Variants in RAPSN observed in about 807,000 individuals in gnomAD.
RAPSN encodes the protein 43 kDa receptor-associated protein of the synapse.
RAPSN carries 33 observed loss-of-function variants against 45.7 expected under a neutral mutation model. The ratio of observed to expected loss-of-function variants is 0.72; its 90% CI spans 0.55 to 0.97. The LOEUF is 0.97. Among genes scored for constraint, RAPSN ranks in the 50% least tolerant of loss-of-function variants. The pLI, the probability that RAPSN is intolerant of heterozygous loss-of-function variation, is 0.00. For synonymous variants in RAPSN, 244 were observed against 233.6 expected, an observed-to-expected ratio of 1.04 and a Z score of -0.40; for missense variants, 519 against 559.4, an observed-to-expected ratio of 0.93 and a Z score of 0.73.
In RAPSN at chr11:47,441,707, G is replaced by A. The variant is rs779303374; in HGVS notation, c.816C>T (p.Ala272=). Residue 272 remains alanine, a synonymous_variant, in exon 5 of 8, where the codon GCC becomes GCT. Coordinates refer to ENST00000298854, the MANE Select transcript of RAPSN (RefSeq NM_005055.5). ...TTCCGATCTCGGTCATGATGCTCATGGCGGAGTCGTACCTGGGGAAGGCTG... is the reference window on the plus strand; with the variant it reads ...TTCCGATCTCGGTCATGATGCTCATAGCGGAGTCGTACCTGGGGAAGGCTG... ...LETAFPRYDS[A]MSIMTEIGNR... The A allele has an allele frequency of 4.9e-5, 79 of 1,608,656 alleles. No homozygotes were observed. The Admixed American group carries it at 7.0e-4, about 14-fold the overall frequency.
chr11:47,439,405 C>T (rs1369917884), intron 6 of RAPSN, among the ~76,000 whole-genome samples: 4 of 152,108 alleles, frequency 2.6e-5, no homozygotes, highest in African/African-American at 9.7e-5. Flanking sequence ...ACCCAGGAGG[C>T]GGAGGTTGCA....
intron 3 of RAPSN, 57 bp downstream of exon 3, chr11:47,442,599 C>T (rs1261430882): frequency 5.7e-6 from 9 of 1,586,136 alleles, no homozygotes; most frequent in African/African-American, 4.0e-5. Flanking sequence ...GTCCCAGGCC[C>T]CAGCCCCTGG....
At chr11:47,444,857 C>CAA (rs10611957) in intron 2 of RAPSN, among the ~76,000 whole-genome samples, 78 of 80,610 alleles carry the variant, frequency 9.7e-4, no homozygotes, top group African/African-American at 3.5e-3. Context: ...GACACTGTCT[C>CAA]AAAAAAAAAA....
rs556595562 is a variant in RAPSN at position 47,438,717 on chromosome 11, C to G, written c.1166+15G>C. On this transcript the variant is annotated intron_variant, in intron 7 of 7. Transcript: ENST00000298854. ...GATCCTGCCCACCCCTGTCCACCCCCCCAGGAGCCCCCACCTGAGGTGGAA... is the reference window on the plus strand; with the variant it reads ...GATCCTGCCCACCCCTGTCCACCCCGCCAGGAGCCCCCACCTGAGGTGGAA... 4.1e-5 allele frequency: 63 copies of G among 1,554,932 alleles called. No individual in the cohort carries two copies. The highest frequency in any genetic ancestry group is 1.3e-4 in the South Asian group (11 of 84,082).
At position 47,448,133 on chromosome 11, in the gene RAPSN, G is replaced by C. The variant is rs773975835; in HGVS notation, c.210C>G (p.Ile70Met). Residue 70 changes from isoleucine to methionine, a missense_variant, in exon 2 of 8, where the codon ATC becomes ATG. Ile to Met is a conservative substitution (Grantham distance 10, BLOSUM62 1). Transcript: ENST00000298854. ...KEMLKFAVVQ[I>M]DTARELEDAD... The stretch of plus-strand genomic sequence containing the variant: ...CATCCTCCAGCTCCCGGGCCGTGTC[G>C]ATCTGGACCACAGCGAACTGCACAC... 2 of 1,612,248 alleles carry C rather than the reference G, an allele frequency of 1.2e-6. No homozygotes were observed. Among genetic ancestry groups the C allele is most frequent in the Admixed American group, 3.3e-5 (2 of 60,004 alleles).
intron 6 of RAPSN, among the ~76,000 whole-genome samples, chr11:47,440,604 C>A (rs2076354439): frequency 6.6e-6 from 1 of 152,038 alleles, no homozygotes; most frequent in African/African-American, 2.4e-5. Flanking sequence ...AAAAATTAGC[C>A]CAGTGTGGTG....
chr11:47,446,398 T>G (rs2076407203), intron 2 of RAPSN, among the ~76,000 whole-genome samples: 1 of 152,024 alleles, frequency 6.6e-6, no homozygotes, highest in Admixed American at 6.6e-5. Context: ...CAGTCCTATC[T>G]CATCTCACTG....
intron 5 of RAPSN, 61 bp from the exon 6 acceptor site, chr11:47,441,273 G>A (rs893953841): frequency 1.9e-6 from 3 of 1,598,644 alleles, no homozygotes; most frequent in Admixed American, 3.3e-5. Flanking sequence ...TTGCTCACAG[G>A]GAAGCACAGG....
Position 47,448,869 on chromosome 11 carries a change from C to T in RAPSN, c.96G>A (p.Val32=). 1 of 1,614,232 alleles carries T rather than the reference C, an allele frequency of 6.2e-7. No individual in the cohort carries two copies. The highest frequency in any genetic ancestry group is 8.5e-7 in the Non-Finnish European group (1 of 1,180,052). ...TEKALQVWTK[V]LEKSSDLMGR... ...CCATGAGGTCCGAGCTCTTCTCCAG[C>T]ACCTTTGTCCACACCTGCAATGCCT... The change falls in exon 1 of 8, where the codon GTG becomes GTA. Residue 32 remains valine (V), a synonymous_variant. Transcript: ENST00000298854.
chr11:47,439,986 G>C (rs569603998), intron 6 of RAPSN, among the ~76,000 whole-genome samples: 1 of 151,982 alleles, frequency 6.6e-6, no homozygotes, highest in African/African-American at 2.4e-5. Context: ...CACCGCACCC[G>C]GCCTTGGTTT....
chr11:47,446,676 C>T (rs779607107), intron 2 of RAPSN, among the ~76,000 whole-genome samples: 81 of 152,236 alleles, frequency 5.3e-4, no homozygotes, highest in Non-Finnish European at 9.7e-4. Context: ...GAGGCCAAGA[C>T]GGGCGGATCC....
rs752816353 is a variant in RAPSN, at chr11:47,441,748, G to C, written c.790-15C>G. The C allele has an allele frequency of 8.1e-6, 13 of 1,605,764 alleles. No homozygotes were observed. The highest frequency in any genetic ancestry group is 5.0e-5 in the Admixed American group (3 of 59,980). ...GGGAAGGCTGTCTGCAGAGCCAGGT[G>C]GGGGATGGAATCAGGCTGTATCAGG... is the stretch of plus-strand genomic sequence containing the variant. On this transcript the variant is annotated splice_polypyrimidine_tract_variant and intron_variant, in intron 4 of 7. Transcript: ENST00000298854.
At chr11:47,441,070 G>A (rs554123190) in intron 6 of RAPSN, 89 bp downstream of exon 6, 44 of 1,527,310 alleles carry the variant, frequency 2.9e-5, no homozygotes, top group East Asian at 6.8e-5. Flanking sequence ...GGCTCATGAC[G>A]TGAGTAGGCT....
intron 6 of RAPSN, among the ~76,000 whole-genome samples, chr11:47,440,709 T>C (rs1204507496): frequency 2.0e-5 from 3 of 152,188 alleles, no homozygotes; most frequent in Non-Finnish European, 4.4e-5. Flanking sequence ...GATCGCGCTA[T>C]TGCACTCCAG....
rs201947904 is a variant in RAPSN, at chr11:47,438,901, C to G, written c.997G>C (p.Glu333Gln). The change falls in exon 7 of 8, where the codon GAG becomes CAG. Residue 333 changes from glutamate to glutamine, a missense_variant. Glu to Gln is a conservative substitution (Grantham distance 29, BLOSUM62 2). Transcript: ENST00000298854. Reference sequence around the variant, plus strand: ...AGCCCTTTGCTGCGGTAAATGCTCTCGCTCAGACAGTGCAGCTTGAGCTGG... The same window carrying G: ...AGCCCTTTGCTGCGGTAAATGCTCTGGCTCAGACAGTGCAGCTTGAGCTGG... ...LSQLKLHCLS[E>Q]SIYRSKGLQR... 3.0e-5 allele frequency: 47 copies of G among 1,562,648 alleles called. No homozygotes were observed. In the Admixed American group the frequency reaches 5.4e-4, roughly 18 times the overall value.
chr11:47,446,616 C>G (rs2076408465), intron 2 of RAPSN, among the ~76,000 whole-genome samples: 1 of 152,094 alleles, frequency 6.6e-6, no homozygotes, highest in Non-Finnish European at 1.5e-5. Flanking sequence ...ACAAAAATAC[C>G]CAGGGTTGGC....
chr11:47,439,345 G>A (rs1200623727), intron 6 of RAPSN, among the ~76,000 whole-genome samples: 2 of 152,086 alleles, frequency 1.3e-5, no homozygotes, highest in Non-Finnish European at 2.9e-5. Flanking sequence ...GTGGTGGTGA[G>A]TGCCTGTAAT....
At chr11:47,445,667 C>A (rs1445877509) in intron 2 of RAPSN, among the ~76,000 whole-genome samples, 1 of 144,448 alleles carries the variant, frequency 6.9e-6, no homozygotes, top group Non-Finnish European at 1.5e-5. Flanking sequence ...TCTTTATTTT[C>A]TAGAGTAATA....
intron 7 of RAPSN, 59 bp downstream of exon 7, chr11:47,438,673 C>T (rs113728340): frequency 1.2e-5 from 18 of 1,540,184 alleles, no homozygotes; most frequent in African/African-American, 9.6e-5. Flanking sequence ...GCCAGCTGGG[C>T]CCTAGAGTGC....
Sources: allele counts gnomAD v4.1 joint callset (sites outside exome capture counted in the v4.1 genomes callset), GRCh38; gene constraint gnomAD v4.1.1; transcripts MANE v1.5; gene names NCBI Gene and HGNC (gene_info 2026-07-23, HGNC 2026-07-21).